Variants in TMOD1 observed in about 807,000 individuals in gnomAD.
TMOD1 encodes tropomodulin-1.
A neutral mutation model predicts 40.6 loss-of-function variants in TMOD1; 17 were observed. The observed-to-expected ratio is 0.42, with a 90% confidence interval of 0.29 to 0.63. The LOEUF (loss-of-function observed/expected upper bound fraction) is 0.63. TMOD1 is among the 20% of genes least tolerant of loss of function. The probability of loss-of-function intolerance (pLI) is 0.22; values close to 1 mark genes in which losing one functional copy is unlikely to be tolerated. For synonymous variants in TMOD1, 181 were observed against 175.0 expected, an observed-to-expected ratio of 1.03 and a Z score of -0.27; for missense variants, 391 against 447.6, an observed-to-expected ratio of 0.87 and a Z score of 1.14.
intron 1 of TMOD1, 112 bp downstream of exon 1, chr9:97,501,915 A>G (rs1320619764): frequency 6.6e-6 from 1 of 152,284 alleles, no homozygotes; most frequent in African/African-American, 2.4e-5. Context: ...GCCGCCGCCA[A>G]GAGGGACTGA....
intron 3 of TMOD1, among the ~76,000 whole-genome samples, chr9:97,549,051 G>C (rs1253090661): frequency 6.6e-6 from 1 of 152,210 alleles, no homozygotes; most frequent in Non-Finnish European, 1.5e-5. Flanking sequence ...CTGGCACAAA[G>C]CCCTGAGGAA....
chr9:97,502,491 C>T lies in TMOD1; in HGVS notation c.-49+688C>T, dbSNP rs1023098746. 1.3e-5 allele frequency among the ~76,000 whole-genome samples: 2 copies of T among 152,230 alleles called. No homozygotes were observed. The highest frequency in any genetic ancestry group is 2.4e-5 in the African/African-American group (1 of 41,470). On this transcript the variant is annotated intron_variant, in intron 1 of 9. Coordinates refer to ENST00000259365, the MANE Select transcript of TMOD1 (RefSeq NM_003275.4). This position sits in a 1 kb window ranked among gnomAD's most constrained non-coding sequence, Gnocchi z 6.1. ...GGCCTTGGCAATCCCCCTCTTGTTT[C>T]TGGATCTCAGTCTCCCATTTGTAGG... is the stretch of plus-strand genomic sequence containing the variant.
In TMOD1 at chr9:97,600,146, T is replaced by TATCA; in HGVS notation, c.*449_*452dup. 1 of 1,001,552 alleles carries TATCA rather than the reference T, an allele frequency of 1.0e-6. No homozygotes were observed. Among genetic ancestry groups the TATCA allele is most frequent in the Non-Finnish European group, 1.2e-6 (1 of 837,866 alleles). 62.0% of individuals were successfully genotyped at this position (1,001,552 alleles called of 1,614,324 possible). ...TTAGCTATTAGCAAATAAAACTGATTATCATTCTTTATTAACCCTCCTTGG... is the reference window on the plus strand; with the variant it reads ...TTAGCTATTAGCAAATAAAACTGATTATCAATCATTCTTTATTAACCCTCCTTGG... On this transcript the variant is annotated 3_prime_UTR_variant, in exon 10 of 10. Transcript: ENST00000259365.
chr9:97,591,552 T>A, intron 9 of TMOD1, 117 bp downstream of exon 9: 1 of 1,250,902 alleles, frequency 8.0e-7, no homozygotes, highest in African/African-American at 1.5e-5. Flanking sequence ...GCCTTGATTT[T>A]CACATTGATC....
chr9:97,533,956 C>G (rs1830140792), intron 2 of TMOD1, among the ~76,000 whole-genome samples: 1 of 152,198 alleles, frequency 6.6e-6, no homozygotes, highest in Admixed American at 6.5e-5. Context: ...GCTCATCTTT[C>G]TGCCATTCCT....
intron 9 of TMOD1, among the ~76,000 whole-genome samples, chr9:97,594,927 G>A (rs1362858357): frequency 6.6e-6 from 1 of 152,212 alleles, no homozygotes; most frequent in African/African-American, 2.4e-5. Flanking sequence ...CAGCCTGTGA[G>A]TTAAGACAGT....
At chr9:97,551,214 G>T (rs1336999789) in intron 3 of TMOD1, among the ~76,000 whole-genome samples, 1 of 151,666 alleles carries the variant, frequency 6.6e-6, no homozygotes, top group Non-Finnish European at 1.5e-5. Context: ...AGTAGAGATG[G>T]GGTTTTGCCA....
At chr9:97,569,254 C>T (rs994431793) in intron 8 of TMOD1, among the ~76,000 whole-genome samples, 1 of 152,188 alleles carries the variant, frequency 6.6e-6, no homozygotes, top group African/African-American at 2.4e-5. Flanking sequence ...CTGATTGAGT[C>T]CCTCTCATGA....
intron 8 of TMOD1, among the ~76,000 whole-genome samples, chr9:97,573,478 G>A (rs1252477454): frequency 1.3e-5 from 2 of 152,176 alleles, no homozygotes; most frequent in Admixed American, 6.5e-5. Context: ...TCAACGTTGC[G>A]ATTGTATCAG....
intron 1 of TMOD1, among the ~76,000 whole-genome samples, chr9:97,504,498 G>C (rs1281593349): frequency 6.6e-6 from 1 of 152,150 alleles, no homozygotes; most frequent in African/African-American, 2.4e-5. Flanking sequence ...AGAGGGGAGA[G>C]AGTTAAAGGG....
chr9:97,505,152 G>T (rs929241328), intron 1 of TMOD1, among the ~76,000 whole-genome samples: 3 of 152,110 alleles, frequency 2.0e-5, no homozygotes, highest in Non-Finnish European at 4.4e-5. Flanking sequence ...GGTGTTGCTG[G>T]GTTTTTGTCT....
In TMOD1 at chr9:97,513,838, C is replaced by G; in HGVS notation, c.-48-10303C>G. The G allele has an allele frequency of 6.6e-6, 1 of 152,230 alleles. No homozygotes were observed. Among genetic ancestry groups the G allele is most frequent in the East Asian group, 1.9e-4 (1 of 5,196 alleles). 9.4% of individuals were successfully genotyped at this position (152,230 alleles called of 1,614,324 possible). A position where few individuals can be genotyped will look rare whatever the true frequency, so the allele number is the denominator to read the frequency against. On this transcript the variant is annotated intron_variant, in intron 1 of 9. Coordinates refer to ENST00000259365, the MANE Select transcript of TMOD1 (RefSeq NM_003275.4). This position sits in a 1 kb window ranked among gnomAD's most constrained non-coding sequence, Gnocchi z 4.1. ...TGCTCCTTCTGCCATTGCACAGTGG[C>G]CCTAGTGTCCTCGAGACCCCGGGAC...
At chr9:97,554,891 T>C (rs1432023684) in intron 4 of TMOD1, among the ~76,000 whole-genome samples, 1 of 152,016 alleles carries the variant, frequency 6.6e-6, no homozygotes, top group African/African-American at 2.4e-5. Context: ...GACTCAACTA[T>C]ACACAAGGGG....
intron 9 of TMOD1, among the ~76,000 whole-genome samples, chr9:97,596,464 A>C (rs1193074357): frequency 6.6e-6 from 1 of 152,078 alleles, no homozygotes; most frequent in Non-Finnish European, 1.5e-5. Context: ...TTCCCATCTC[A>C]CTAGCTCATG....
At chr9:97,515,808 G>C (rs1220876593) in intron 1 of TMOD1, among the ~76,000 whole-genome samples, 2 of 152,076 alleles carry the variant, frequency 1.3e-5, no homozygotes, top group Non-Finnish European at 2.9e-5. Context: ...TCTCAGTTCA[G>C]CTCTCTCCCT....
chr9:97,558,162 A>G (rs1224486779), intron 4 of TMOD1, among the ~76,000 whole-genome samples: 1 of 152,118 alleles, frequency 6.6e-6, no homozygotes, highest in Non-Finnish European at 1.5e-5. Context: ...TTGTAATTCT[A>G]ATTTCCTCTG....
At chr9:97,584,423 A>G (rs1316987930) in intron 8 of TMOD1, among the ~76,000 whole-genome samples, 2 of 151,118 alleles carry the variant, frequency 1.3e-5, no homozygotes, top group Admixed American at 1.3e-4. Context: ...ACTTCCCAGT[A>G]TGTGGTCAAT....
chr9:97,599,594 A>C (rs768449759), intron 9 of TMOD1, 40 bp from the exon 10 acceptor site: 1 of 1,613,744 alleles, frequency 6.2e-7, no homozygotes, highest in Admixed American at 1.7e-5. Flanking sequence ...CCTGGTCTAC[A>C]GGGAAAAGTG....
intron 8 of TMOD1, among the ~76,000 whole-genome samples, chr9:97,589,558 C>T (rs1019470651): frequency 1.3e-5 from 2 of 151,908 alleles, no homozygotes; most frequent in East Asian, 1.9e-4. Context: ...GGATTACAGG[C>T]GTGAGCCACT....
Sources: gnomAD v4.1 joint callset for allele counts (sites outside exome capture counted in the v4.1 genomes callset) on GRCh38, gnomAD v4.1.1 for gene constraint, Gnocchi (gnomAD v3.1) non-coding constraint, MANE v1.5 for transcripts, NCBI Gene and HGNC (gene_info 2026-07-23, HGNC 2026-07-21) for gene names.